Variants in RHBDL3 observed in about 807,000 individuals in gnomAD.
RHBDL3 encodes rhomboid like 3, also known as rhomboid-related protein 3.
In RHBDL3, 28 loss-of-function variants were observed where a neutral mutation model predicts 48.2. The observed-to-expected ratio is 0.58, with a 90% CI of 0.43 to 0.80. The LOEUF (loss-of-function observed/expected upper bound fraction) is 0.80. RHBDL3 is among the 30% of genes least tolerant of loss of function. RHBDL3 has a pLI of 0.00. For synonymous variants in RHBDL3, 208 were observed against 232.3 expected (o/e 0.90, Z 0.95); for missense variants, 464 against 542.7 (o/e 0.85, Z 1.44).
chr17:32,296,694 T>C (rs1165829749), intron 5 of RHBDL3, among the ~76,000 whole-genome samples: 1 of 152,112 alleles, frequency 6.6e-6, no homozygotes, highest in Non-Finnish European at 1.5e-5. Flanking sequence ...GGGAAAGCTT[T>C]GAATTATTAA....
intron 2 of RHBDL3, among the ~76,000 whole-genome samples, chr17:32,272,773 G>A (rs920064831): frequency 6.6e-5 from 10 of 152,226 alleles, no homozygotes; most frequent in Non-Finnish European, 1.0e-4. Context: ...CTGGCTGCCT[G>A]CCTGACACAT....
At chr17:32,300,801 G>A (rs1453973588) in intron 6 of RHBDL3, among the ~76,000 whole-genome samples, 1 of 152,054 alleles carries the variant, frequency 6.6e-6, no homozygotes, top group Non-Finnish European at 1.5e-5. Flanking sequence ...GCCCAGGGAG[G>A]TGAAATGACT....
intron 2 of RHBDL3, among the ~76,000 whole-genome samples, chr17:32,279,968 G>A (rs1182821748): frequency 6.6e-6 from 1 of 152,208 alleles, no homozygotes; most frequent in Non-Finnish European, 1.5e-5. Context: ...CAGCATAGAG[G>A]ATAGGAGAAG....
At chr17:32,283,581 C>T (rs573179666) in intron 2 of RHBDL3, among the ~76,000 whole-genome samples, 79 of 152,122 alleles carry the variant, frequency 5.2e-4, no homozygotes, top group South Asian at 1.7e-3. Context: ...CCTTGGCCTC[C>T]CAAAGTGCTG....
Position 32,306,198 on chromosome 17 carries a change from C to T in RHBDL3, c.882+757C>T, listed in dbSNP as rs536893599. 3.4e-3 allele frequency among the ~76,000 whole-genome samples: 514 copies of T among 152,018 alleles called. 2 individuals are homozygous for T. Among genetic ancestry groups the T allele is most frequent in the Non-Finnish European group, 5.8e-3 (396 of 67,970 alleles). ...CAGCACTTTGGGAGGCCAAGGCAGGCGGATCATGAGGTCAAGAGATCGAGA... is the reference window on the plus strand; with the variant it reads ...CAGCACTTTGGGAGGCCAAGGCAGGTGGATCATGAGGTCAAGAGATCGAGA... On this transcript the variant is annotated intron_variant, in intron 7 of 8. Transcript: ENST00000269051.
chr17:32,278,782 A>G (rs569185371), intron 2 of RHBDL3, among the ~76,000 whole-genome samples: 1 of 152,226 alleles, frequency 6.6e-6, no homozygotes, highest in South Asian at 2.1e-4. Flanking sequence ...AGGGGGGACC[A>G]CTCTCAAAGT....
intron 8 of RHBDL3, among the ~76,000 whole-genome samples, chr17:32,318,531 C>A (rs951539457): frequency 1.3e-5 from 2 of 150,984 alleles, no homozygotes; most frequent in South Asian, 4.2e-4. Context: ...ATCCAGTCCT[C>A]CAAACCCACC....
Position 32,302,549 on chromosome 17 carries a change from A to T in RHBDL3, c.782-2792A>T, listed in dbSNP as rs371677938. Among the ~76,000 whole-genome samples the T allele has an allele frequency of 8.3e-4, 41 of 49,316 alleles. 1 individual carries two copies. In the South Asian group the frequency reaches 0.013, roughly 15 times the overall value. 32.4% of individuals were successfully genotyped at this position (49,316 alleles called of 152,430 possible). On this transcript the variant is annotated intron_variant, in intron 6 of 8. Transcript: ENST00000269051. Reference sequence around the variant, plus strand: ...AATTTTTGTATATATATATATATATATATTTTTTTTTAGTAGCAATGGGGT... The same window carrying T: ...AATTTTTGTATATATATATATATATTTATTTTTTTTTAGTAGCAATGGGGT...
At chr17:32,276,892 T>G (rs185993630) in intron 2 of RHBDL3, among the ~76,000 whole-genome samples, 112 of 51,620 alleles carry the variant, frequency 2.2e-3, no homozygotes, top group African/African-American at 5.9e-3. Context: ...CCCTAGCACC[T>G]TACTCCGGCC....
chr17:32,267,416 G>T (rs1240493667), intron 1 of RHBDL3, among the ~76,000 whole-genome samples: 2 of 149,066 alleles, frequency 1.3e-5, no homozygotes, highest in Non-Finnish European at 3.0e-5. Context: ...TGTTTATGCA[G>T]AGGTGAGTTC....
intron 7 of RHBDL3, among the ~76,000 whole-genome samples, chr17:32,311,277 A>G (rs1321941955): frequency 1.3e-5 from 2 of 152,228 alleles, no homozygotes; most frequent in Non-Finnish European, 2.9e-5. Context: ...TGCTGGCTGC[A>G]TGTGAGATTT....
intron 2 of RHBDL3, among the ~76,000 whole-genome samples, chr17:32,268,477 C>T (rs1162032069): frequency 6.6e-6 from 1 of 152,130 alleles, no homozygotes; most frequent in Non-Finnish European, 1.5e-5. Context: ...GCCTGGAGTC[C>T]AGGTGTAGGG....
intron 7 of RHBDL3, among the ~76,000 whole-genome samples, chr17:32,309,770 CTTTTTTTTTTTT>C (rs11346917): frequency 1.8e-3 from 223 of 124,800 alleles, no homozygotes; most frequent in Non-Finnish European, 2.8e-3. Flanking sequence ...ATCAAGACTT[CTTTTTTTTTTTT>C]TTTTTTTTTT....
intron 3 of RHBDL3, chr17:32,288,518 TCA>T: frequency 2.3e-6 from 1 of 426,222 alleles, no homozygotes; most frequent in Non-Finnish European, 4.3e-6. Flanking sequence ...TCTCGGTGTC[TCA>T]GTTTCCTAAT....
At chr17:32,275,761 C>T (rs1396227621) in intron 2 of RHBDL3, among the ~76,000 whole-genome samples, 1 of 152,146 alleles carries the variant, frequency 6.6e-6, no homozygotes, top group Admixed American at 6.5e-5. Flanking sequence ...TTGGGAGAAG[C>T]ACCATGAGAG....
intron 7 of RHBDL3, among the ~76,000 whole-genome samples, chr17:32,306,081 T>A (rs113588499): frequency 1.1e-3 from 173 of 152,184 alleles, no homozygotes; most frequent in African/African-American, 3.8e-3. Context: ...CACAGTCAAG[T>A]TTGTGGCAAA....
chr17:32,308,510 C>T (rs2040762542), intron 7 of RHBDL3, among the ~76,000 whole-genome samples: 1 of 152,100 alleles, frequency 6.6e-6, no homozygotes, highest in Non-Finnish European at 1.5e-5. Context: ...GTTCCAGCTA[C>T]TCTGGAGGCT....
At chr17:32,282,958 C>A (rs1597628342) in intron 2 of RHBDL3, among the ~76,000 whole-genome samples, 1 of 152,282 alleles carries the variant, frequency 6.6e-6, no homozygotes. Context: ...GACTGAGACT[C>A]CTGACTGTTG....
chr17:32,278,367 C>T (rs1399471754), intron 2 of RHBDL3, among the ~76,000 whole-genome samples: 1 of 152,156 alleles, frequency 6.6e-6, no homozygotes, highest in Non-Finnish European at 1.5e-5. Flanking sequence ...CAAGGGAGGG[C>T]AAGATGGGAC....
Sources: allele counts gnomAD v4.1 joint callset (sites outside exome capture counted in the v4.1 genomes callset), GRCh38; gene constraint gnomAD v4.1.1; transcripts MANE v1.5; gene names NCBI Gene and HGNC (gene_info 2026-07-23, HGNC 2026-07-21).